The following RNF8 variants were observed in gnomAD, a reference collection of about 807,000 sequenced individuals.
The protein encoded by RNF8 is E3 ubiquitin-protein ligase RNF8.
RNF8 carries 8 observed loss-of-function variants against 59.3 expected under a neutral mutation model. The observed-to-expected ratio is 0.13, with a 90% CI of 0.08 to 0.24. RNF8 has a LOEUF of 0.24. Among genes scored for constraint, RNF8 ranks in the 10% least tolerant of loss-of-function variants. The pLI is 1.00. For missense variants in RNF8, 406 were observed against 572.6 expected (o/e 0.71, Z 2.97); for synonymous variants, 162 against 200.0 (o/e 0.81, Z 1.60).
At chr6:37,381,929 T>C (rs190661776) in intron 7 of RNF8, among the ~76,000 whole-genome samples, 10 of 152,284 alleles carry the variant, frequency 6.6e-5, no homozygotes, top group Admixed American at 5.9e-4. Context: ...GAGTAGACTT[T>C]GAAAGCTGGT....
chr6:37,354,694 C>A (rs1215705139), intron 1 of RNF8, among the ~76,000 whole-genome samples: 1 of 126,414 alleles, frequency 7.9e-6, no homozygotes, highest in African/African-American at 3.0e-5. Flanking sequence ...GCGCAGGGAA[C>A]GTGAGGAGAT....
In RNF8 at chr6:37,392,532, CAT is replaced by C. The variant is rs1217039260; in HGVS notation, c.*1775_*1776del. On this transcript the variant is annotated 3_prime_UTR_variant, in exon 8 of 8. Transcript: ENST00000373479. ...ATCTCTGTCTATACAAGCAAAAACA[CAT>C]GTGGTCTTTTTCCTTGCTTTGCACA... 3.0e-5 allele frequency: 12 copies of C among 398,504 alleles called. No homozygotes were observed. The highest frequency in any genetic ancestry group is 1.3e-4 in the Admixed American group (3 of 22,718). 24.7% of individuals were successfully genotyped at this position (398,504 alleles called of 1,614,324 possible). A position where few individuals can be genotyped will look rare whatever the true frequency, so the allele number is the denominator to read the frequency against.
chr6:37,365,096 A>T (rs1013725832), intron 2 of RNF8, among the ~76,000 whole-genome samples: 5 of 152,004 alleles, frequency 3.3e-5, no homozygotes, highest in Admixed American at 6.6e-5. Context: ...TATTCACCAA[A>T]AACTGGGAAA....
intron 2 of RNF8, among the ~76,000 whole-genome samples, chr6:37,364,127 C>T (rs1491003446): frequency 7.3e-6 from 1 of 136,852 alleles, no homozygotes; most frequent in African/African-American, 2.9e-5. Flanking sequence ...TGCAGTGAGC[C>T]GAGATCAGGC....
chr6:37,364,135 G>C (rs540406869), intron 2 of RNF8, among the ~76,000 whole-genome samples: 15 of 146,776 alleles, frequency 1.0e-4, no homozygotes, highest in African/African-American at 3.4e-4. Context: ...GCCGAGATCA[G>C]GCCATTGCAC....
intron 6 of RNF8, among the ~76,000 whole-genome samples, chr6:37,378,155 A>G (rs1056628155): frequency 6.6e-6 from 1 of 152,136 alleles, no homozygotes; most frequent in Non-Finnish European, 1.5e-5. Context: ...TTAGCCAGAC[A>G]TGGTGGTGTG....
chr6:37,368,935 A>C lies in RNF8; in HGVS notation c.692A>C (p.His231Pro), dbSNP rs761529746. ...GGCTTCCCCAAAGTCACAGAGGTTC[A>C]TCATGAGCAGAAAGCCTCAAACTCT... ...YPGFPKVTEV[H>P]HEQKASNSSA... The change falls in exon 3 of 8, where the codon CAT becomes CCT. Residue 231 changes from histidine (H) to proline (P), a missense_variant. This residue lies in a region of RNF8 where 285 missense variants were observed against 342.0 expected (regional missense o/e 0.83). Transcript: ENST00000373479. 6.2e-7 allele frequency: 1 copy of C among 1,614,112 alleles called. No homozygotes were observed. Among genetic ancestry groups the C allele is most frequent in the African/African-American group, 1.3e-5 (1 of 74,940 alleles).
chr6:37,370,202 A>G (rs192261310), intron 3 of RNF8: 10 of 152,276 alleles, frequency 6.6e-5, no homozygotes, highest in East Asian at 1.9e-4. Context: ...GCAATTTATA[A>G]ATTTCATTCT....
intron 7 of RNF8, among the ~76,000 whole-genome samples, chr6:37,388,834 G>A (rs1368848067): frequency 6.6e-6 from 1 of 151,888 alleles, no homozygotes. Flanking sequence ...TCAGGAGGCT[G>A]AGGCTGGAGC....
At chr6:37,361,317 A>G (rs554872721) in intron 2 of RNF8, 16 of 455,038 alleles carry the variant, frequency 3.5e-5, no homozygotes, top group Non-Finnish European at 7.0e-5. Context: ...CGGCATCAAT[A>G]TGGTGTCCTC....
rs762028093 is a variant in RNF8, at chr6:37,354,287, G to C, written c.111+12G>C. ...AAGATGGGTGCGAGGTACGGGGGAA[G>C]GGGTCCTGTGGAGCGGAGGGCAGGG... On this transcript the variant is annotated intron_variant, in intron 1 of 7. Coordinates refer to ENST00000373479, the MANE Select transcript of RNF8 (RefSeq NM_003958.4). The C allele has an allele frequency of 1.9e-6, 3 of 1,547,132 alleles. No homozygotes were observed. The highest frequency in any genetic ancestry group is 2.6e-6 in the Non-Finnish European group (3 of 1,150,234).
chr6:37,375,354 A>G (rs765230145), intron 5 of RNF8, among the ~76,000 whole-genome samples: 1 of 152,208 alleles, frequency 6.6e-6, no homozygotes, highest in Non-Finnish European at 1.5e-5. Context: ...TGAAAGTCCA[A>G]ATGTTTAAGT....
chr6:37,388,218 C>T (rs1770589461), intron 7 of RNF8, among the ~76,000 whole-genome samples: 1 of 152,154 alleles, frequency 6.6e-6, no homozygotes, highest in African/African-American at 2.4e-5. Context: ...AGGTAGAATC[C>T]ACAGGTCTGT....
At chr6:37,378,853 C>T (rs544040761) in intron 6 of RNF8, among the ~76,000 whole-genome samples, 22 of 152,130 alleles carry the variant, frequency 1.4e-4, no homozygotes, top group African/African-American at 4.6e-4. Flanking sequence ...AGACAAGGAA[C>T]GGGGGTTGAA....
At position 37,360,325 on chromosome 6, in the gene RNF8, C is replaced by A; in HGVS notation, c.112-121C>A. On this transcript the variant is annotated intron_variant, in intron 1 of 7. Coordinates refer to ENST00000373479, the MANE Select transcript of RNF8 (RefSeq NM_003958.4). This position sits in a 1 kb window ranked among gnomAD's most constrained non-coding sequence, Gnocchi z 4.2. ...GATAGCTGATGCACTGTTTTGGTTC[C>A]ACAGGTGTCTGGTTTCTTAAGTCAG... 1 of 1,188,598 alleles carries A rather than the reference C, an allele frequency of 8.4e-7. No homozygotes were observed. Among genetic ancestry groups the A allele is most frequent in the Non-Finnish European group, 1.2e-6 (1 of 816,136 alleles). 73.6% of individuals were successfully genotyped at this position (1,188,598 alleles called of 1,614,324 possible). A position where few individuals can be genotyped will look rare whatever the true frequency, so the allele number is the denominator to read the frequency against.
intron 7 of RNF8, among the ~76,000 whole-genome samples, chr6:37,387,688 G>T (rs1211033138): frequency 6.6e-6 from 1 of 152,174 alleles, no homozygotes; most frequent in African/African-American, 2.4e-5. Flanking sequence ...TAAGTGCTTG[G>T]GGATAAAAGC....
intron 6 of RNF8, among the ~76,000 whole-genome samples, chr6:37,377,325 C>T (rs1770065673): frequency 6.6e-6 from 1 of 152,090 alleles, no homozygotes; most frequent in African/African-American, 2.4e-5. Context: ...GATCTGCCCA[C>T]CTCAGCCTCC....
chr6:37,354,889 C>T (rs550330048), intron 1 of RNF8, among the ~76,000 whole-genome samples: 21 of 152,196 alleles, frequency 1.4e-4, no homozygotes, highest in Non-Finnish European at 2.5e-4. Context: ...GGGTTTTGTC[C>T]CTTAAAGCAA....
intron 2 of RNF8, chr6:37,361,663 C>T (rs1216319753): frequency 3.3e-6 from 1 of 303,098 alleles, no homozygotes; most frequent in Non-Finnish European, 6.4e-6. Context: ...TTAAAGGTAC[C>T]ATTAGAAGGG....
Sources: allele counts gnomAD v4.1 joint callset (sites outside exome capture counted in the v4.1 genomes callset), GRCh38; gene constraint gnomAD v4.1.1; regional missense constraint gnomAD v4.1.1; non-coding constraint Gnocchi (gnomAD v3.1); transcripts MANE v1.5; gene names NCBI Gene and HGNC (gene_info 2026-07-23, HGNC 2026-07-21).